MAPKBP1: variants seen among roughly 807,000 people sequenced by gnomAD.
MAPKBP1 encodes the protein mitogen-activated protein kinase binding protein 1, also known as mitogen-activated protein kinase-binding protein 1.
In MAPKBP1, 71 loss-of-function variants were observed where a neutral mutation model predicts 170.5. The observed-to-expected ratio is 0.42, with a 90% CI of 0.34 to 0.51. MAPKBP1 has a LOEUF of 0.51. MAPKBP1 is among the 20% of genes least tolerant of loss of function. The pLI is 0.06. For synonymous variants in MAPKBP1, 719 were observed against 757.9 expected (o/e 0.95, Z 0.84); for missense variants, 1,598 against 1,933.0 (o/e 0.83, Z 3.25).
intron 21 of MAPKBP1, 38 bp from the exon 22 acceptor site, chr15:41,819,557 G>GGGGCC: frequency 7.2e-7 from 1 of 1,384,576 alleles, no homozygotes; most frequent in African/African-American, 1.5e-5. Flanking sequence ...CGGGGGGGGG[G>GGGGCC]CAGGAGACAC....
Position 41,818,976 on chromosome 15 carries a change from C to T in MAPKBP1, c.2291+19C>T. ...CCAACCGGTGAGAACAGAATGTGGG[C>T]AAGTGATGGGTGGGTGTGCAGATGG... On this transcript the variant is annotated intron_variant, in intron 20 of 30. Transcript: ENST00000457542. The surrounding 1 kb of genome is among the most constrained non-coding windows in gnomAD (Gnocchi z 5.2). 1 of 1,612,304 alleles carries T rather than the reference C, an allele frequency of 6.2e-7. No individual in the cohort carries two copies. Among genetic ancestry groups the T allele is most frequent in the South Asian group, 1.1e-5 (1 of 91,064 alleles).
At chr15:41,812,836 C>G in intron 7 of MAPKBP1, 83 bp from the exon 8 acceptor site, 1 of 1,487,656 alleles carries the variant, frequency 6.7e-7, no homozygotes, top group Non-Finnish European at 9.0e-7. Context: ...GTGCTGGAGG[C>G]GTCCCCTGTA....
rs749386911 is a variant in MAPKBP1 at position 41,817,041 on chromosome 15, G to T, written c.1711+6G>T. The T allele has an allele frequency of 3.2e-6, 5 of 1,578,592 alleles. No individual in the cohort carries two copies. The highest frequency in any genetic ancestry group is 4.3e-6 in the Non-Finnish European group (5 of 1,158,958). On this transcript the variant is annotated splice_donor_region_variant and intron_variant, in intron 14 of 30. Coordinates refer to ENST00000457542, the MANE Select transcript of MAPKBP1 (RefSeq NM_014994.3). This position sits in a 1 kb window ranked among gnomAD's most constrained non-coding sequence, Gnocchi z 4.2. ...CACTGCTGTTAAGTTTGCAGGTGCG[G>T]GCAGGGTGAATGAGACACATCCTGC...
Position 41,824,540 on chromosome 15 carries a change from G to A in MAPKBP1, c.4270G>A (p.Val1424Met), listed in dbSNP as rs140602140. 48 of 1,602,540 alleles carry A rather than the reference G, an allele frequency of 3.0e-5. No homozygotes were observed. The highest frequency in any genetic ancestry group is 2.7e-4 in the South Asian group (24 of 89,064). Residue 1424 changes from valine (V) to methionine (M), a missense_variant, in exon 30 of 31, where the codon GTG becomes ATG. Transcript: ENST00000457542. ...GCTGGTGGCAGAGCTCCGCGGCAGCGTGCGCCAGGCAGTGCGGCTCTACCA... is the reference window on the plus strand; with the variant it reads ...GCTGGTGGCAGAGCTCCGCGGCAGCATGCGCCAGGCAGTGCGGCTCTACCA... The part of the protein sequence containing the change: ...EQLVAELRGS[V>M]RQAVRLYHSV...
Position 41,822,658 on chromosome 15 carries a change from G to A in MAPKBP1, c.3295G>A (p.Val1099Ile). 6.2e-7 allele frequency: 1 copy of A among 1,614,076 alleles called. No homozygotes were observed. The highest frequency in any genetic ancestry group is 1.3e-5 in the African/African-American group (1 of 75,006). ...RSISSRFLLQ[V>I]QTRPLREPSP... ...TATCTCTTCACGATTCCTGTTGCAAGTACAGACCCGCCCACTCAGGTACAG... is the reference window on the plus strand; with the variant it reads ...TATCTCTTCACGATTCCTGTTGCAAATACAGACCCGCCCACTCAGGTACAG... The change falls in exon 27 of 31, where the codon GTA becomes ATA. Residue 1099 changes from valine (V) to isoleucine (I), a missense_variant. Val to Ile is a conservative substitution (Grantham distance 29, BLOSUM62 3). Transcript: ENST00000457542.
chr15:41,776,140 T>C (rs2064094393), intron 2 of MAPKBP1, among the ~76,000 whole-genome samples: 1 of 152,214 alleles, frequency 6.6e-6, no homozygotes, highest in Non-Finnish European at 1.5e-5. Flanking sequence ...AATCCAGAAG[T>C]AGTCGACATT....
Position 41,814,665 on chromosome 15 carries a change from G to A in MAPKBP1, c.1096G>A (p.Asp366Asn). 6.2e-7 allele frequency: 1 copy of A among 1,614,226 alleles called. No homozygotes were observed. The highest frequency in any genetic ancestry group is 1.1e-5 in the South Asian group (1 of 91,086). The change falls in exon 10 of 31, where the codon GAT (aspartate) becomes AAT (asparagine). Residue 366 changes from aspartate (D) to asparagine (N), a missense_variant. Asp to Asn is a conservative substitution (Grantham distance 23, BLOSUM62 1). Coordinates refer to ENST00000457542, the MANE Select transcript of MAPKBP1 (RefSeq NM_014994.3). ...VYNDHSIYVW[D>N]VRDPKKVGKV... ...CAACGATCATAGCATTTATGTTTGG[G>A]ATGTGAGGGACCCCAAGAAAGTGGG...
At chr15:41,807,032 A>G (rs2064709901) in intron 3 of MAPKBP1, among the ~76,000 whole-genome samples, 1 of 152,214 alleles carries the variant, frequency 6.6e-6, no homozygotes, top group African/African-American at 2.4e-5. Flanking sequence ...ATGGCTTCCA[A>G]ATATCAATAA....
chr15:41,780,195 G>C (rs1325929588), intron 2 of MAPKBP1, among the ~76,000 whole-genome samples: 2 of 152,200 alleles, frequency 1.3e-5, no homozygotes, highest in Non-Finnish European at 2.9e-5. Flanking sequence ...ATTTAGGGCA[G>C]GTTCCCTTCT....
chr15:41,792,148 T>G (rs2064407475), intron 2 of MAPKBP1, among the ~76,000 whole-genome samples: 1 of 150,726 alleles, frequency 6.6e-6, no homozygotes, highest in Admixed American at 6.6e-5. Flanking sequence ...CGCCACCTGT[T>G]TTTTCCATCT....
Position 41,820,868 on chromosome 15 carries a change from G to T in MAPKBP1, c.2518G>T (p.Ala840Ser), listed in dbSNP as rs774201100. ...ESVGFLDPAPAANPGPRRRGR... is the reference protein window; with the variant it reads ...ESVGFLDPAPSANPGPRRRGR... ...CGTGGGGTTCCTGGACCCAGCTCCT[G>T]CAGCCAACCCAGGACCCAGAAGAAG... The change falls in exon 23 of 31, where the codon GCA becomes TCA. Residue 840 changes from alanine (A) to serine (S), a missense_variant. Ala to Ser is a moderately conservative substitution (Grantham distance 99). This residue lies in a region of MAPKBP1 where 942 missense variants were observed against 953.2 expected (regional missense o/e 0.99). Coordinates refer to ENST00000457542, the MANE Select transcript of MAPKBP1 (RefSeq NM_014994.3). 6 of 1,613,852 alleles carry T rather than the reference G, an allele frequency of 3.7e-6. No individual in the cohort carries two copies. The highest frequency in any genetic ancestry group is 5.1e-6 in the Non-Finnish European group (6 of 1,179,950).
intron 8 of MAPKBP1, 147 bp from the exon 9 acceptor site, chr15:41,813,474 G>C (rs2064838766): frequency 7.0e-7 from 1 of 1,418,988 alleles, no homozygotes; most frequent in African/African-American, 1.4e-5. Context: ...ACAGGGCTGA[G>C]GGGCTCAGAA....
At chr15:41,792,969 G>T (rs1277310850) in intron 2 of MAPKBP1, among the ~76,000 whole-genome samples, 1 of 151,952 alleles carries the variant, frequency 6.6e-6, no homozygotes, top group Admixed American at 6.6e-5. Context: ...CCCCTTTAGG[G>T]GGTCCATGAT....
intron 24 of MAPKBP1, 73 bp downstream of exon 24, chr15:41,821,823 G>T: frequency 6.3e-7 from 1 of 1,594,696 alleles, no homozygotes; most frequent in Non-Finnish European, 8.6e-7. Context: ...AGTCGAGGGA[G>T]GGTTGGCCCC....
chr15:41,821,871 C>T, intron 24 of MAPKBP1, 94 bp from the exon 25 acceptor site: 1 of 1,568,632 alleles, frequency 6.4e-7, no homozygotes, highest in Non-Finnish European at 8.7e-7. Flanking sequence ...TCACCACTGC[C>T]TCATCCCTCA....
chr15:41,797,502 G>C (rs1440276373), intron 2 of MAPKBP1, among the ~76,000 whole-genome samples: 1 of 152,104 alleles, frequency 6.6e-6, no homozygotes, highest in East Asian at 1.9e-4. Context: ...CAGGATGACT[G>C]GTGACTTAAA....
In MAPKBP1 at chr15:41,823,795, C is replaced by G. The variant is rs199607856; in HGVS notation, c.3947C>G (p.Pro1316Arg). The G allele has an allele frequency of 3.7e-6, 6 of 1,614,184 alleles. No homozygotes were observed. The Admixed American group carries it at 6.7e-5, about 18-fold the overall frequency. The part of the protein sequence containing the change: ...AFSPVTKGRA[P>R]GEAEKPGFPV... Reference sequence around the variant, plus strand: ...TCTCCTGTCACCAAAGGCCGGGCCCCTGGCGAGGCAGAAAAGCCTGGCTTC... The same window carrying G: ...TCTCCTGTCACCAAAGGCCGGGCCCGTGGCGAGGCAGAAAAGCCTGGCTTC... The change falls in exon 29 of 31, where the codon CCT becomes CGT. Residue 1316 changes from proline to arginine, a missense_variant. Around this residue, in one of 6 missense-constraint regions of MAPKBP1, gnomAD observed 942 missense variants for 953.2 expected, o/e 0.99. Coordinates refer to ENST00000457542, the MANE Select transcript of MAPKBP1 (RefSeq NM_014994.3).
Position 41,825,211 on chromosome 15 carries a change from G to A in MAPKBP1, c.4302G>A (p.Val1434=), listed in dbSNP as rs200880622. 2.0e-5 allele frequency: 31 copies of A among 1,578,388 alleles called. No individual in the cohort carries two copies. The African/African-American group carries it at 3.6e-4, about 19-fold the overall frequency. Residue 1434 remains valine (V), a splice_region_variant and synonymous_variant, in exon 31 of 31, where the codon GTG becomes GTA. Coordinates refer to ENST00000457542, the MANE Select transcript of MAPKBP1 (RefSeq NM_014994.3). ...CACTTCTGGGGGTGCTATTTCAGGT[G>A]GCTGGCTGCAAGATGCCCTCAGCAG... ...VRQAVRLYHS[V]AGCKMPSAEQ...
chr15:41,819,547 C>A (rs867163788), intron 21 of MAPKBP1, 48 bp from the exon 22 acceptor site: 2 of 1,235,874 alleles, frequency 1.6e-6, no homozygotes, highest in East Asian at 2.8e-5. Context: ...GGTTGGGTGG[C>A]GGGGGGGGGG....
Sources: allele counts gnomAD v4.1 joint callset (sites outside exome capture counted in the v4.1 genomes callset), GRCh38; gene constraint gnomAD v4.1.1; regional missense constraint gnomAD v4.1.1; non-coding constraint Gnocchi (gnomAD v3.1); transcripts MANE v1.5; gene names NCBI Gene and HGNC (gene_info 2026-07-23, HGNC 2026-07-21).